Variants in BCAS3 observed in about 807,000 individuals in gnomAD.
The protein encoded by BCAS3 is BCAS4/BCAS3 fusion.
Under a neutral mutation model 116.1 loss-of-function variants are expected in BCAS3, and 53 were observed. The observed-to-expected ratio is 0.46, with a 90% CI of 0.37 to 0.57. The LOEUF is 0.57. Ranked by LOEUF, BCAS3 falls within the 20% of genes least tolerant of loss-of-function variation. The pLI, the probability that BCAS3 is intolerant of heterozygous loss-of-function variation, is 0.00. For synonymous variants in BCAS3, 391 were observed against 408.2 expected (o/e 0.96, Z 0.51); for missense variants, 917 against 1,165.4 (o/e 0.79, Z 3.10).
At chr17:60,955,244 A>G (rs2014980022) in intron 14 of BCAS3, among the ~76,000 whole-genome samples, 1 of 152,084 alleles carries the variant, frequency 6.6e-6, no homozygotes. Context: ...TTGAATGTGT[A>G]TTTTCTACAA....
chr17:61,176,236 T>A (rs1191983134), intron 22 of BCAS3, among the ~76,000 whole-genome samples: 3 of 149,542 alleles, frequency 2.0e-5, no homozygotes, highest in Non-Finnish European at 4.4e-5. Context: ...TCAACCTTAT[T>A]TATAAGGTAA....
At chr17:60,727,402 C>T (rs2039995641) in intron 5 of BCAS3, 1 of 1,607,320 alleles carries the variant, frequency 6.2e-7, no homozygotes, top group Non-Finnish European at 8.5e-7. Flanking sequence ...AATCCTTGCT[C>T]TTATACTGTG....
rs1273962230 is a variant in BCAS3 at position 61,108,302 on chromosome 17, CATT to C, written c.2425+23741_2425+23743del. 2.6e-5 allele frequency among the ~76,000 whole-genome samples: 4 copies of C among 152,152 alleles called. No homozygotes were observed. In the East Asian group the frequency reaches 7.7e-4, roughly 29 times the overall value. On this transcript the variant is annotated intron_variant, in intron 22 of 23. Coordinates refer to ENST00000407086, the MANE Select transcript of BCAS3 (RefSeq NM_017679.5). ...CATTTTAGTTTCAGTGTGTCTGTAT[CATT>C]ATATTTGATATGTTTTAAATGAATT... is the stretch of plus-strand genomic sequence containing the variant.
At chr17:60,991,355 G>A (rs942467189) in intron 15 of BCAS3, among the ~76,000 whole-genome samples, 1 of 152,118 alleles carries the variant, frequency 6.6e-6, no homozygotes, top group Non-Finnish European at 1.5e-5. Flanking sequence ...TACTGCTGAT[G>A]TACATTGCAT....
At chr17:60,747,010 A>G (rs544862527) in intron 5 of BCAS3, among the ~76,000 whole-genome samples, 188 bp from the exon 6 acceptor site, 52 of 152,298 alleles carry the variant, frequency 3.4e-4, no homozygotes, top group Non-Finnish European at 6.3e-4. Flanking sequence ...ACAGTTTTCT[A>G]AAATTACTTG....
chr17:61,279,383 G>A lies in BCAS3; in HGVS notation c.2426-88944G>A, dbSNP rs1487530535. Among the ~76,000 whole-genome samples the A allele has an allele frequency of 6.6e-6, 1 of 151,932 alleles. No homozygotes were observed. Among genetic ancestry groups the A allele is most frequent in the Admixed American group, 6.6e-5 (1 of 15,264 alleles). On this transcript the variant is annotated intron_variant, in intron 22 of 23. Coordinates refer to ENST00000407086, the MANE Select transcript of BCAS3 (RefSeq NM_017679.5). The surrounding 1 kb of genome is among the most constrained non-coding windows in gnomAD (Gnocchi z 4.4). ...TCGCTTCTTTCTTCTCTTTCCATCAGTCAGTGATGCCCTTTGTGGGCAGGT... is the reference window on the plus strand; with the variant it reads ...TCGCTTCTTTCTTCTCTTTCCATCAATCAGTGATGCCCTTTGTGGGCAGGT...
chr17:60,908,289 T>G (rs542917539), intron 11 of BCAS3, among the ~76,000 whole-genome samples: 22 of 152,200 alleles, frequency 1.4e-4, no homozygotes, highest in Non-Finnish European at 2.8e-4. Flanking sequence ...TGTGGTTTGC[T>G]TTGGTACACA....
chr17:60,695,181 C>T (rs144253190), intron 4 of BCAS3, among the ~76,000 whole-genome samples: 4 of 143,940 alleles, frequency 2.8e-5, no homozygotes, highest in Non-Finnish European at 5.9e-5. Flanking sequence ...AGTGCAGTGG[C>T]GTGATCTCAG....
At chr17:61,099,188 G>A (rs1296283224) in intron 22 of BCAS3, among the ~76,000 whole-genome samples, 1 of 152,100 alleles carries the variant, frequency 6.6e-6, no homozygotes, top group Non-Finnish European at 1.5e-5. Context: ...AGCATGCTTA[G>A]AACAGAGGGG....
intron 22 of BCAS3, among the ~76,000 whole-genome samples, chr17:61,174,257 C>T (rs1474195031): frequency 6.6e-6 from 1 of 152,180 alleles, no homozygotes; most frequent in Non-Finnish European, 1.5e-5. Context: ...TCAAACAGAT[C>T]TCAAGAGACT....
In BCAS3 at chr17:61,162,654, G is replaced by C. The variant is rs911241571; in HGVS notation, c.2425+78090G>C. Among the ~76,000 whole-genome samples, 1 of 152,074 alleles carries C rather than the reference G, an allele frequency of 6.6e-6. No individual in the cohort carries two copies. Among genetic ancestry groups the C allele is most frequent in the Non-Finnish European group, 1.5e-5 (1 of 68,014 alleles). ...AACATTTTGCAGTTTTCAGCTTTTA[G>C]TTGTTGAAAACAAAAATAATAAGTA... On this transcript the variant is annotated intron_variant, in intron 22 of 23. Transcript: ENST00000407086. This position sits in a 1 kb window ranked among gnomAD's most constrained non-coding sequence, Gnocchi z 5.6.
At chr17:60,790,811 T>G (rs968262400) in intron 6 of BCAS3, among the ~76,000 whole-genome samples, 8 of 146,882 alleles carry the variant, frequency 5.4e-5, no homozygotes, top group African/African-American at 2.0e-4. Flanking sequence ...TGGTGTGATC[T>G]CAGCTCACTG....
At chr17:60,708,539 T>TA (rs1264134078) in intron 4 of BCAS3, among the ~76,000 whole-genome samples, 2 of 151,888 alleles carry the variant, frequency 1.3e-5, no homozygotes, top group Non-Finnish European at 2.9e-5. Flanking sequence ...TAATAATAAT[T>TA]ACTATTTTCG....
In BCAS3 at chr17:61,362,883, C is replaced by G. The variant is rs1213348035; in HGVS notation, c.2426-5444C>G. The G allele has an allele frequency of 6.6e-6, 1 of 152,216 alleles. No homozygotes were observed. The highest frequency in any genetic ancestry group is 2.4e-5 in the African/African-American group (1 of 41,442). 9.4% of individuals were successfully genotyped at this position (152,216 alleles called of 1,614,324 possible). A position where few individuals can be genotyped will look rare whatever the true frequency, so the allele number is the denominator to read the frequency against. On this transcript the variant is annotated intron_variant, in intron 22 of 23. Transcript: ENST00000407086. This position sits in a 1 kb window ranked among gnomAD's most constrained non-coding sequence, Gnocchi z 4.4. ...CTCACTTATCTTCTTCTTCCTTCCT[C>G]TCTTTTAATTTTAACTCCACTTTCT...
intron 23 of BCAS3, among the ~76,000 whole-genome samples, chr17:61,370,970 C>G (rs1160788069): frequency 6.6e-6 from 1 of 152,230 alleles, no homozygotes; most frequent in Non-Finnish European, 1.5e-5. Flanking sequence ...TCCCACAACT[C>G]TACTTCTCTA....
chr17:60,779,343 G>A (rs1191616567), intron 6 of BCAS3, among the ~76,000 whole-genome samples: 2 of 151,586 alleles, frequency 1.3e-5, no homozygotes, highest in African/African-American at 4.8e-5. Context: ...TGTGTAAGGT[G>A]CATATGAAAC....
At position 61,189,764 on chromosome 17, in the gene BCAS3, A is replaced by T. The variant is rs966244955; in HGVS notation, c.2425+105200A>T. 2.6e-5 allele frequency among the ~76,000 whole-genome samples: 4 copies of T among 152,196 alleles called. No homozygotes were observed. The highest frequency in any genetic ancestry group is 9.7e-5 in the African/African-American group (4 of 41,442). On this transcript the variant is annotated intron_variant, in intron 22 of 23. Transcript: ENST00000407086. This position sits in a 1 kb window ranked among gnomAD's most constrained non-coding sequence, Gnocchi z 4.5. ...CTATGCTAATTAAGTGGAAGAGAGAATGTAAGAGAAGCGGTTTAAAGAGGA... is the reference window on the plus strand; with the variant it reads ...CTATGCTAATTAAGTGGAAGAGAGATTGTAAGAGAAGCGGTTTAAAGAGGA...
rs1601563084 is a variant in BCAS3 at position 61,145,470 on chromosome 17, T to C, written c.2425+60906T>C. Among the ~76,000 whole-genome samples the C allele has an allele frequency of 2.0e-5, 3 of 152,220 alleles. No individual in the cohort carries two copies. Among genetic ancestry groups the C allele is most frequent in the African/African-American group, 7.2e-5 (3 of 41,532 alleles). On this transcript the variant is annotated intron_variant, in intron 22 of 23. Transcript: ENST00000407086. This position sits in a 1 kb window ranked among gnomAD's most constrained non-coding sequence, Gnocchi z 5.0. ...CTGGGGGAGGACCATTGGGAGAATG[T>C]TCTGAGGAGAAGAGAGGCTCTCTTC...
At chr17:61,036,571 A>T (rs1442096337) in intron 17 of BCAS3, among the ~76,000 whole-genome samples, 3 of 151,642 alleles carry the variant, frequency 2.0e-5, no homozygotes, top group Non-Finnish European at 4.4e-5. Context: ...TTAACTTTCT[A>T]CTCCTTTATG....
Sources: allele counts gnomAD v4.1 joint callset (sites outside exome capture counted in the v4.1 genomes callset), GRCh38; gene constraint gnomAD v4.1.1; non-coding constraint Gnocchi (gnomAD v3.1); transcripts MANE v1.5; gene names NCBI Gene and HGNC (gene_info 2026-07-23, HGNC 2026-07-21).